ADAMTS17: variants seen among roughly 807,000 people sequenced by gnomAD.
ADAMTS17 encodes the protein A disintegrin and metalloproteinase with thrombospondin motifs 17.
In ADAMTS17, 113 loss-of-function variants were observed where a neutral mutation model predicts 141.5. The observed-to-expected ratio is 0.80, with a 90% CI of 0.69 to 0.93. The LOEUF is 0.93. Ranked by LOEUF, ADAMTS17 falls within the 40% of genes least tolerant of loss-of-function variation. The pLI is 0.00. For synonymous variants in ADAMTS17, 768 were observed against 630.6 expected, an observed-to-expected ratio of 1.22 and a Z score of -3.27; for missense variants, 1,659 against 1,517.9, an observed-to-expected ratio of 1.09 and a Z score of -1.54.
chr15:100,048,842 A>C lies in ADAMTS17; in HGVS notation c.2591+15T>G. ...AGACTCTGGTGGGTCCAAGCTACAG[A>C]ACCCAGCTTCTTACCGTGACTGGCA... On this transcript the variant is annotated intron_variant, in intron 18 of 21. Coordinates refer to ENST00000268070, the MANE Select transcript of ADAMTS17 (RefSeq NM_139057.4). 1.9e-6 allele frequency: 3 copies of C among 1,614,136 alleles called. No individual in the cohort carries two copies. Among genetic ancestry groups the C allele is most frequent in the African/African-American group, 2.7e-5 (2 of 75,042 alleles).
chr15:100,068,530 G>T (rs1163807794), intron 15 of ADAMTS17, among the ~76,000 whole-genome samples: 1 of 152,214 alleles, frequency 6.6e-6, no homozygotes, highest in Non-Finnish European at 1.5e-5. Context: ...ACCTCACACA[G>T]CTGGGTATCC....
intron 6 of ADAMTS17, among the ~76,000 whole-genome samples, chr15:100,254,856 T>C (rs2043272306): frequency 6.6e-6 from 1 of 151,410 alleles, no homozygotes; most frequent in Non-Finnish European, 1.5e-5. Flanking sequence ...GGAGGCGGGG[T>C]GAAGGAGAGG....
Position 99,993,228 on chromosome 15 carries a change from C to G in ADAMTS17, c.2797-28G>C, listed in dbSNP as rs200548352. 8.7e-6 allele frequency: 14 copies of G among 1,613,960 alleles called. No homozygotes were observed. Among genetic ancestry groups the G allele is most frequent in the African/African-American group, 1.3e-5 (1 of 75,044 alleles). On this transcript the variant is annotated intron_variant, in intron 19 of 21. Coordinates refer to ENST00000268070, the MANE Select transcript of ADAMTS17 (RefSeq NM_139057.4). This position sits in a 1 kb window ranked among gnomAD's most constrained non-coding sequence, Gnocchi z 4.3. ...GCAAGACACCATTCAAATATTTAAC[C>G]GAGTTCCAATTCGATTCAAGTCCAT...
intron 14 of ADAMTS17, among the ~76,000 whole-genome samples, chr15:100,106,473 G>A (rs73476482): frequency 6.6e-6 from 1 of 152,172 alleles, no homozygotes; most frequent in Non-Finnish European, 1.5e-5. Context: ...AGGTTTCATT[G>A]TCATAGTATG....
At chr15:100,336,842 G>A (rs1173336081) in intron 2 of ADAMTS17, among the ~76,000 whole-genome samples, 1 of 152,150 alleles carries the variant, frequency 6.6e-6, no homozygotes, top group African/African-American at 2.4e-5. Context: ...TACACGTGCA[G>A]GCTGCCCTCT....
At chr15:100,100,738 C>A (rs1384493584) in intron 14 of ADAMTS17, among the ~76,000 whole-genome samples, 1 of 150,448 alleles carries the variant, frequency 6.6e-6, no homozygotes, top group Non-Finnish European at 1.5e-5. Flanking sequence ...CTCCTGCCTG[C>A]TGCCAGACTA....
At chr15:100,233,820 C>T (rs924671104) in intron 7 of ADAMTS17, among the ~76,000 whole-genome samples, 3 of 151,870 alleles carry the variant, frequency 2.0e-5, no homozygotes, top group South Asian at 4.2e-4. Context: ...GAGATGGAGG[C>T]GAGCCTGGCA....
intron 18 of ADAMTS17, among the ~76,000 whole-genome samples, chr15:100,013,204 G>A (rs2061222197): frequency 1.3e-5 from 2 of 152,126 alleles, no homozygotes; most frequent in Admixed American, 1.3e-4. Flanking sequence ...TTGGTATATG[G>A]TAGAGCTACC....
intron 8 of ADAMTS17, among the ~76,000 whole-genome samples, chr15:100,156,001 C>A (rs2039417613): frequency 2.0e-5 from 3 of 152,136 alleles, no homozygotes; most frequent in African/African-American, 4.8e-5. Flanking sequence ...AGTTTGCTGA[C>A]CCAGAGTTCT....
intron 8 of ADAMTS17, among the ~76,000 whole-genome samples, chr15:100,178,863 G>C (rs1245260807): frequency 6.6e-6 from 1 of 152,008 alleles, no homozygotes; most frequent in Non-Finnish European, 1.5e-5. Context: ...AAAAAATTTT[G>C]TGCCACTTCA....
chr15:100,216,891 C>A (rs80323869), intron 7 of ADAMTS17, among the ~76,000 whole-genome samples: 1 of 152,188 alleles, frequency 6.6e-6, no homozygotes, highest in African/African-American at 2.4e-5. Context: ...ACATTGAATG[C>A]ACTTCTTGGA....
chr15:100,298,563 G>A (rs781327102), intron 3 of ADAMTS17, among the ~76,000 whole-genome samples: 5 of 152,116 alleles, frequency 3.3e-5, no homozygotes, highest in Non-Finnish European at 7.4e-5. Flanking sequence ...TCCAGGAACC[G>A]GTACAGAACT....
At chr15:100,284,794 T>A (rs114301298) in intron 3 of ADAMTS17, among the ~76,000 whole-genome samples, 1 of 152,180 alleles carries the variant, frequency 6.6e-6, no homozygotes, top group Non-Finnish European at 1.5e-5. Context: ...TATTCACAGA[T>A]GATAGCAACT....
At chr15:100,195,374 G>C (rs1484796790) in intron 8 of ADAMTS17, among the ~76,000 whole-genome samples, 1 of 152,154 alleles carries the variant, frequency 6.6e-6, no homozygotes, top group Non-Finnish European at 1.5e-5. Context: ...CAGCTCAGTG[G>C]TTACACGGGA....
At chr15:100,329,526 CAAAA>C (rs35680287) in intron 3 of ADAMTS17, among the ~76,000 whole-genome samples, 3 of 128,162 alleles carry the variant, frequency 2.3e-5, no homozygotes, top group African/African-American at 5.7e-5. Context: ...ATCGTGTCTC[CAAAA>C]AAAAAAAAAA....
chr15:100,019,393 A>G (rs932904627), intron 18 of ADAMTS17, among the ~76,000 whole-genome samples: 1 of 152,194 alleles, frequency 6.6e-6, no homozygotes, highest in African/African-American at 2.4e-5. Flanking sequence ...CAGCGATTGT[A>G]AAGATTTGTT....
intron 13 of ADAMTS17, among the ~76,000 whole-genome samples, chr15:100,116,146 A>AC (rs747661646): frequency 2.3e-4 from 35 of 149,860 alleles, no homozygotes; most frequent in South Asian, 1.7e-3. Context: ...AAAAAAAAAA[A>AC]AAAAAAAAAA....
intron 3 of ADAMTS17, among the ~76,000 whole-genome samples, chr15:100,289,430 C>T (rs1406213428): frequency 6.6e-6 from 1 of 152,148 alleles, no homozygotes; most frequent in East Asian, 1.9e-4. Flanking sequence ...GGTACCATTC[C>T]TACTAAAAGC....
At chr15:100,238,441 C>G (rs544483479) in intron 7 of ADAMTS17, among the ~76,000 whole-genome samples, 1 of 152,336 alleles carries the variant, frequency 6.6e-6, no homozygotes, top group East Asian at 1.9e-4. Flanking sequence ...CCGGGCCTGG[C>G]ACACAGTAGG....
Sources: gnomAD v4.1 joint callset for allele counts (sites outside exome capture counted in the v4.1 genomes callset) on GRCh38, gnomAD v4.1.1 for gene constraint, Gnocchi (gnomAD v3.1) non-coding constraint, MANE v1.5 for transcripts, NCBI Gene and HGNC (gene_info 2026-07-23, HGNC 2026-07-21) for gene names.